CSMD1: variants seen among roughly 807,000 people sequenced by gnomAD.
The protein encoded by CSMD1 is CUB and Sushi multiple domains 1.
CSMD1 carries 213 observed loss-of-function variants against 417.5 expected under a neutral mutation model. The observed-to-expected ratio is 0.51, with a 90% CI of 0.46 to 0.57. The LOEUF (loss-of-function observed/expected upper bound fraction) is 0.57. CSMD1 is among the 20% of genes least tolerant of loss of function. The pLI, the probability that CSMD1 is intolerant of heterozygous loss-of-function variation, is 0.00. For synonymous variants in CSMD1, 2,862 were observed against 1,736.8 expected, an observed-to-expected ratio of 1.65 and a Z score of -16.11; for missense variants, 6,923 against 4,529.7, an observed-to-expected ratio of 1.53 and a Z score of -15.17.
At chr8:4,071,368 A>G (rs540322319) in intron 3 of CSMD1, among the ~76,000 whole-genome samples, 4 of 151,694 alleles carry the variant, frequency 2.6e-5, no homozygotes, top group African/African-American at 9.7e-5. Flanking sequence ...GTCATTTTGT[A>G]TCTGTTAAGC....
At chr8:3,634,468 T>A (rs1483073796) in intron 7 of CSMD1, among the ~76,000 whole-genome samples, 2 of 152,160 alleles carry the variant, frequency 1.3e-5, no homozygotes, top group Non-Finnish European at 2.9e-5. Context: ...TCGGCACAAC[T>A]CTACTGGGAG....
intron 2 of CSMD1, among the ~76,000 whole-genome samples, chr8:4,566,689 T>C (rs1798628511): frequency 6.6e-6 from 1 of 151,156 alleles, no homozygotes; most frequent in South Asian, 2.1e-4. Flanking sequence ...GAAAGCTAGT[T>C]TTGGTATAAT....
At chr8:3,128,962 C>A (rs1290364355) in intron 41 of CSMD1, 18 of 417,734 alleles carry the variant, frequency 4.3e-5, no homozygotes, top group Non-Finnish European at 6.1e-5. Flanking sequence ...TTAAAAGCTG[C>A]GTGACAAACA....
chr8:3,730,168 C>T (rs549269352), intron 6 of CSMD1, among the ~76,000 whole-genome samples: 120 of 151,920 alleles, frequency 7.9e-4, no homozygotes, highest in Non-Finnish European at 1.4e-3. Flanking sequence ...TCCTTCCATT[C>T]CCCCAAAATC....
At chr8:4,065,533 CTG>C (rs1324196318) in intron 3 of CSMD1, among the ~76,000 whole-genome samples, 1 of 146,970 alleles carries the variant, frequency 6.8e-6, no homozygotes, top group Non-Finnish European at 1.5e-5. Context: ...TATCAAGAAA[CTG>C]TATGTTTCTT....
intron 8 of CSMD1, among the ~76,000 whole-genome samples, chr8:3,593,000 G>C (rs1800925215): frequency 1.3e-5 from 2 of 152,210 alleles, no homozygotes; most frequent in South Asian, 4.1e-4. Flanking sequence ...GGAGAAGTCA[G>C]AACTCCTGGC....
chr8:3,780,122 G>A (rs1799097880), intron 5 of CSMD1, among the ~76,000 whole-genome samples: 1 of 152,196 alleles, frequency 6.6e-6, no homozygotes, highest in South Asian at 2.1e-4. Flanking sequence ...GGCTTGCGCT[G>A]ATATAAACCT....
chr8:4,943,394 G>C (rs1189844131), intron 1 of CSMD1, among the ~76,000 whole-genome samples: 1 of 152,002 alleles, frequency 6.6e-6, no homozygotes, highest in East Asian at 1.9e-4. Context: ...TACTCGGGAG[G>C]CTGAGGCAGG....
chr8:3,612,487 A>G (rs1295625876), intron 8 of CSMD1, among the ~76,000 whole-genome samples: 1 of 152,126 alleles, frequency 6.6e-6, no homozygotes, highest in Non-Finnish European at 1.5e-5. Flanking sequence ...ACTTCACCCA[A>G]CAACACTAAA....
chr8:3,391,921 T>A (rs117732003), intron 17 of CSMD1, among the ~76,000 whole-genome samples: 2,027 of 152,262 alleles, frequency 0.013, 48 homozygotes, highest in East Asian at 0.097. Flanking sequence ...TTCCTGTTTT[T>A]AAGAGGCATA....
chr8:3,769,644 A>G (rs1798466593), intron 5 of CSMD1, among the ~76,000 whole-genome samples: 1 of 152,144 alleles, frequency 6.6e-6, no homozygotes, highest in Admixed American at 6.5e-5. Flanking sequence ...TTTTCCATTA[A>G]GAGAATGTTA....
chr8:3,983,135 C>CTTTTTCTTT (rs1554506678), intron 5 of CSMD1, among the ~76,000 whole-genome samples: 2 of 133,514 alleles, frequency 1.5e-5, no homozygotes, highest in Non-Finnish European at 3.1e-5. Flanking sequence ...ATCTTTCTTT[C>CTTTTTCTTT]TTTTTTTTTT....
At chr8:3,944,289 G>A (rs1387740427) in intron 5 of CSMD1, among the ~76,000 whole-genome samples, 1 of 152,082 alleles carries the variant, frequency 6.6e-6, no homozygotes, top group Non-Finnish European at 1.5e-5. Flanking sequence ...AATCAAACCT[G>A]TCAGTTTGAG....
chr8:3,287,035 T>C (rs1036808910), intron 25 of CSMD1, among the ~76,000 whole-genome samples: 2 of 152,160 alleles, frequency 1.3e-5, no homozygotes, highest in Non-Finnish European at 2.9e-5. Context: ...TTCAGCTTTC[T>C]ACATATGGCT....
At chr8:4,156,416 G>C (rs972217072) in intron 3 of CSMD1, among the ~76,000 whole-genome samples, 7 of 152,154 alleles carry the variant, frequency 4.6e-5, no homozygotes, top group African/African-American at 4.8e-5. Flanking sequence ...ATGAGTCTCT[G>C]TACTGACTTG....
At chr8:4,334,343 C>G (rs546572379) in intron 3 of CSMD1, among the ~76,000 whole-genome samples, 1 of 152,228 alleles carries the variant, frequency 6.6e-6, no homozygotes, top group South Asian at 2.1e-4. Context: ...GACATTTACA[C>G]TTAATAAAGC....
At chr8:3,785,976 C>T (rs1799435747) in intron 5 of CSMD1, among the ~76,000 whole-genome samples, 2 of 152,128 alleles carry the variant, frequency 1.3e-5, no homozygotes, top group African/African-American at 4.8e-5. Context: ...GCAGTTTTCC[C>T]CAGGAGACCT....
intron 2 of CSMD1, among the ~76,000 whole-genome samples, chr8:4,483,455 G>C (rs1377220104): frequency 6.6e-6 from 1 of 152,106 alleles, no homozygotes; most frequent in African/African-American, 2.4e-5. Context: ...AAACCCCAAT[G>C]CTTTAATATA....
intron 3 of CSMD1, among the ~76,000 whole-genome samples, chr8:4,183,203 G>A (rs891982249): frequency 2.0e-5 from 3 of 152,188 alleles, no homozygotes; most frequent in Middle Eastern, 3.4e-3. Context: ...GAAAAAATGG[G>A]TATACAGAGT....
Sources: allele counts gnomAD v4.1 joint callset (sites outside exome capture counted in the v4.1 genomes callset), GRCh38; gene constraint gnomAD v4.1.1; transcripts MANE v1.5; gene names NCBI Gene and HGNC (gene_info 2026-07-23, HGNC 2026-07-21).